The following IGF2BP2 variants were observed in gnomAD, a reference collection of about 807,000 sequenced individuals.
The protein encoded by IGF2BP2 is insulin like growth factor 2 mRNA binding protein 2, also known as insulin-like growth factor 2 mRNA-binding protein 2.
A neutral mutation model predicts 75.8 loss-of-function variants in IGF2BP2; 17 were observed. The ratio of observed to expected loss-of-function variants is 0.22; its 90% CI spans 0.15 to 0.34. The LOEUF (loss-of-function observed/expected upper bound fraction) is 0.34, where lower values mean the gene tolerates loss of function less well. Ranked by LOEUF, IGF2BP2 falls within the 10% of genes least tolerant of loss-of-function variation. IGF2BP2 has a pLI of 1.00. For missense variants in IGF2BP2, 516 were observed against 772.4 expected, an observed-to-expected ratio of 0.67 and a Z score of 3.93; for synonymous variants, 288 against 295.6, an observed-to-expected ratio of 0.97 and a Z score of 0.26.
intron 2 of IGF2BP2, among the ~76,000 whole-genome samples, chr3:185,710,205 C>T (rs1325107176): frequency 7.4e-6 from 1 of 134,258 alleles, no homozygotes; most frequent in Non-Finnish European, 1.5e-5. Context: ...TCTTTAAATG[C>T]CTATTTCTGC....
At chr3:185,777,200 C>T (rs141469958) in intron 2 of IGF2BP2, among the ~76,000 whole-genome samples, 75 of 152,214 alleles carry the variant, frequency 4.9e-4, no homozygotes, top group Middle Eastern at 3.4e-3. Context: ...TGTAACAAAA[C>T]CAATTTTACC....
At chr3:185,700,662 A>C (rs1723164404) in intron 2 of IGF2BP2, among the ~76,000 whole-genome samples, 2 of 152,230 alleles carry the variant, frequency 1.3e-5, no homozygotes, top group Admixed American at 1.3e-4. Flanking sequence ...TGTTATTTCC[A>C]AATACAAACA....
At chr3:185,808,732 T>A (rs1182139921) in intron 2 of IGF2BP2, among the ~76,000 whole-genome samples, 1 of 151,264 alleles carries the variant, frequency 6.6e-6, no homozygotes, top group African/African-American at 2.4e-5. Flanking sequence ...GCTATTTTTT[T>A]TTTTTTTATC....
intron 10 of IGF2BP2, among the ~76,000 whole-genome samples, chr3:185,664,046 G>A (rs58270475): frequency 2.3e-3 from 347 of 152,312 alleles, no homozygotes; most frequent in African/African-American, 7.9e-3. Flanking sequence ...CGACTTGGCC[G>A]GAGGGTTCAG....
At chr3:185,778,660 C>T (rs1734832090) in intron 2 of IGF2BP2, among the ~76,000 whole-genome samples, 1 of 152,190 alleles carries the variant, frequency 6.6e-6, no homozygotes, top group South Asian at 2.1e-4. Flanking sequence ...ACACCTGGTT[C>T]TACAGGACTA....
intron 2 of IGF2BP2, among the ~76,000 whole-genome samples, chr3:185,771,047 A>G (rs947203905): frequency 6.6e-6 from 1 of 152,206 alleles, no homozygotes; most frequent in Non-Finnish European, 1.5e-5. Flanking sequence ...CATGGCACCC[A>G]GCAAACGGCT....
At chr3:185,759,579 G>A (rs1220216031) in intron 2 of IGF2BP2, among the ~76,000 whole-genome samples, 1 of 152,218 alleles carries the variant, frequency 6.6e-6, no homozygotes, top group African/African-American at 2.4e-5. Flanking sequence ...TCTGTTAAGA[G>A]TGGCAACCAT....
chr3:185,678,200 G>A (rs1043907637), intron 7 of IGF2BP2, among the ~76,000 whole-genome samples: 6 of 152,154 alleles, frequency 3.9e-5, no homozygotes, highest in African/African-American at 1.2e-4. Context: ...TCTTCAAAGT[G>A]GCAAGAGAAA....
chr3:185,686,905 T>C, intron 7 of IGF2BP2, 152 bp downstream of exon 7: 1 of 789,048 alleles, frequency 1.3e-6, no homozygotes, highest in South Asian at 1.7e-5. Context: ...CACTGTATTC[T>C]ACTTGGGAAC....
At chr3:185,754,863 G>T (rs1177919608) in intron 2 of IGF2BP2, among the ~76,000 whole-genome samples, 1 of 152,148 alleles carries the variant, frequency 6.6e-6, no homozygotes, top group Admixed American at 6.5e-5. Flanking sequence ...TCAAGATGTG[G>T]CCTGGCTGCT....
chr3:185,688,342 CTATT>C (rs935005472), intron 6 of IGF2BP2, among the ~76,000 whole-genome samples: 1 of 152,110 alleles, frequency 6.6e-6, no homozygotes. Context: ...CAGGAACCCT[CTATT>C]TATTTATTTA....
intron 3 of IGF2BP2, 77 bp downstream of exon 3, chr3:185,698,222 C>G (rs761887325): frequency 3.0e-5 from 39 of 1,319,886 alleles, no homozygotes; most frequent in Non-Finnish European, 4.1e-5. Flanking sequence ...CTGAGGCCCT[C>G]TAATTCCTAA....
chr3:185,747,003 C>T (rs139090085), intron 2 of IGF2BP2, among the ~76,000 whole-genome samples: 219 of 152,184 alleles, frequency 1.4e-3, no homozygotes, highest in Non-Finnish European at 2.1e-3. Context: ...AAATCAAAAA[C>T]AAAGGCAAAA....
intron 10 of IGF2BP2, among the ~76,000 whole-genome samples, chr3:185,669,727 T>C (rs973509578): frequency 2.6e-5 from 4 of 152,164 alleles, no homozygotes; most frequent in African/African-American, 7.2e-5. Flanking sequence ...CTTTGTGATA[T>C]ACAAAAGCAA....
At chr3:185,664,962 T>C (rs753202234) in intron 10 of IGF2BP2, among the ~76,000 whole-genome samples, 9 of 150,596 alleles carry the variant, frequency 6.0e-5, no homozygotes, top group Non-Finnish European at 1.2e-4. Context: ...ATTCCAAGGG[T>C]AAAGGCAAAT....
Position 185,647,234 on chromosome 3 carries a change from G to T in IGF2BP2, c.1594-96C>A. 1.2e-6 allele frequency: 1 copy of T among 868,962 alleles called. No homozygotes were observed. Among genetic ancestry groups the T allele is most frequent in the Non-Finnish European group, 2.0e-6 (1 of 507,760 alleles). 53.8% of individuals were successfully genotyped at this position (868,962 alleles called of 1,614,324 possible). The stretch of plus-strand genomic sequence containing the variant: ...TGAGGGGCCAAGAGGTGGAGCAGGG[G>T]AAGGAGGGGGGCTGGACTCTGCTCT... On this transcript the variant is annotated intron_variant, in intron 14 of 15. Coordinates refer to ENST00000382199, the MANE Select transcript of IGF2BP2 (RefSeq NM_006548.6). This position sits in a 1 kb window ranked among gnomAD's most constrained non-coding sequence, Gnocchi z 4.9.
At chr3:185,777,907 A>G (rs1449099779) in intron 2 of IGF2BP2, among the ~76,000 whole-genome samples, 1 of 151,980 alleles carries the variant, frequency 6.6e-6, no homozygotes, top group Non-Finnish European at 1.5e-5. Flanking sequence ...AGCCCGGCAC[A>G]GTGATGCACA....
rs1228337044 is a variant in IGF2BP2 at position 185,665,491 on chromosome 3, AAGG to A, written c.1200+7047_1200+7049del. Among the ~76,000 whole-genome samples the A allele has an allele frequency of 5.1e-3, 193 of 37,724 alleles. 18 individuals carry two copies. The highest frequency in any genetic ancestry group is 6.0e-3 in the Non-Finnish European group (119 of 19,782). 24.7% of individuals were successfully genotyped at this position (37,724 alleles called of 152,430 possible). On this transcript the variant is annotated intron_variant, in intron 10 of 15. Coordinates refer to ENST00000382199, the MANE Select transcript of IGF2BP2 (RefSeq NM_006548.6). ...GAAGAAGAAGGAGAAGAAGGAGGAG[AAGG>A]AGGAGGAGAAGGAGGAGGAGGAGAA...
chr3:185,808,344 G>A (rs1247191271), intron 2 of IGF2BP2, among the ~76,000 whole-genome samples: 1 of 151,770 alleles, frequency 6.6e-6, no homozygotes, highest in Admixed American at 6.6e-5. Context: ...GCTGAGTGTG[G>A]TGGCAGGCAC....
Sources: gnomAD v4.1 joint callset for allele counts (sites outside exome capture counted in the v4.1 genomes callset) on GRCh38, gnomAD v4.1.1 for gene constraint, Gnocchi (gnomAD v3.1) non-coding constraint, MANE v1.5 for transcripts, NCBI Gene and HGNC (gene_info 2026-07-23, HGNC 2026-07-21) for gene names.